The following TSPAN18 variants were observed in gnomAD, a reference collection of about 807,000 sequenced individuals.
TSPAN18 encodes the protein tetraspanin-18.
In TSPAN18, 14 loss-of-function variants were observed where a neutral mutation model predicts 27.3. The observed-to-expected ratio is 0.51, with a 90% CI of 0.34 to 0.80. The LOEUF (loss-of-function observed/expected upper bound fraction) is 0.80, where lower values mean the gene tolerates loss of function less well. TSPAN18 is among the 30% of genes least tolerant of loss of function. The pLI is 0.01. For synonymous variants in TSPAN18, 143 were observed against 136.5 expected (o/e 1.05, Z -0.33); for missense variants, 268 against 323.9 (o/e 0.83, Z 1.32).
chr11:44,791,320 G>A (rs1378582117), intron 2 of TSPAN18, among the ~76,000 whole-genome samples: 1 of 152,180 alleles, frequency 6.6e-6, no homozygotes, highest in African/African-American at 2.4e-5. Context: ...ACTTTGGGGG[G>A]TAGCCGGGGA....
chr11:44,781,003 T>G, intron 2 of TSPAN18, among the ~76,000 whole-genome samples: 1 of 152,228 alleles, frequency 6.6e-6, no homozygotes, highest in East Asian at 1.9e-4. Context: ...TTCTGTCCCT[T>G]TAAGAGAAAG....
chr11:44,741,685 T>G (rs1322479787), intron 1 of TSPAN18, among the ~76,000 whole-genome samples: 1 of 152,108 alleles, frequency 6.6e-6, no homozygotes, highest in Non-Finnish European at 1.5e-5. Context: ...AGAGGTGAAT[T>G]CTAGTTTTGG....
chr11:44,904,525 C>T (rs1050226777), intron 3 of TSPAN18, among the ~76,000 whole-genome samples: 1 of 152,240 alleles, frequency 6.6e-6, no homozygotes, highest in Non-Finnish European at 1.5e-5. Context: ...CGCAAGGCAC[C>T]ACCCCTGAGA....
chr11:44,730,148 G>A (rs561254151), intron 1 of TSPAN18, among the ~76,000 whole-genome samples: 11 of 152,260 alleles, frequency 7.2e-5, no homozygotes, highest in African/African-American at 2.2e-4. Flanking sequence ...AAAATCCTGC[G>A]TTGAGTGAAT....
chr11:44,836,597 G>A (rs1393732140), intron 2 of TSPAN18, among the ~76,000 whole-genome samples: 1 of 152,236 alleles, frequency 6.6e-6, no homozygotes, highest in Admixed American at 6.5e-5. Context: ...TTTCAATGTA[G>A]ATGAAACAGC....
Position 44,846,292 on chromosome 11 carries a change from C to T in TSPAN18, c.-152-14036C>T, listed in dbSNP as rs186781414. ...TCCGGCTTGTAGCCAAGAGATCTTC[C>T]TGCTCACACTCCATTCCCACCGCCT... On this transcript the variant is annotated intron_variant, in intron 2 of 9. Transcript: ENST00000520358. Among the ~76,000 whole-genome samples the T allele has an allele frequency of 2.6e-3, 391 of 152,372 alleles. 1 individual carries two copies. The highest frequency in any genetic ancestry group is 6.7e-3 in the Admixed American group (102 of 15,308).
chr11:44,839,696 A>T (rs1857331628), intron 2 of TSPAN18, among the ~76,000 whole-genome samples: 2 of 152,100 alleles, frequency 1.3e-5, no homozygotes, highest in South Asian at 4.1e-4. Flanking sequence ...GAGTTAAGAC[A>T]GGCACCATCA....
intron 1 of TSPAN18, among the ~76,000 whole-genome samples, chr11:44,755,624 A>T (rs1334684700): frequency 6.6e-6 from 1 of 151,244 alleles, no homozygotes; most frequent in Non-Finnish European, 1.5e-5. Context: ...CTATGTAGCT[A>T]ATTTAAAACA....
At chr11:44,903,369 T>C (rs910081011) in intron 3 of TSPAN18, 1 of 453,296 alleles carries the variant, frequency 2.2e-6, no homozygotes, top group Non-Finnish European at 4.4e-6. Flanking sequence ...TGGGGGACTC[T>C]CCTTTGATGG....
intron 3 of TSPAN18, among the ~76,000 whole-genome samples, chr11:44,872,685 G>T (rs1386944111): frequency 1.3e-5 from 2 of 152,176 alleles, no homozygotes; most frequent in Non-Finnish European, 2.9e-5. Flanking sequence ...AAGCTTCACA[G>T]CAGCCTTATG....
intron 2 of TSPAN18, among the ~76,000 whole-genome samples, chr11:44,833,377 G>T (rs1050098594): frequency 1.3e-5 from 2 of 151,852 alleles, no homozygotes; most frequent in Non-Finnish European, 2.9e-5. Context: ...AGCAAATGGT[G>T]ACTCTTAGGT....
intron 4 of TSPAN18, among the ~76,000 whole-genome samples, chr11:44,907,070 T>C (rs1488248290): frequency 2.0e-5 from 3 of 152,238 alleles, no homozygotes; most frequent in Admixed American, 6.5e-5. Flanking sequence ...GTTTACAAAG[T>C]ACCCTGGATG....
At chr11:44,861,549 A>G (rs932540616) in intron 3 of TSPAN18, among the ~76,000 whole-genome samples, 1 of 103,942 alleles carries the variant, frequency 9.6e-6, no homozygotes, top group Non-Finnish European at 2.0e-5. Flanking sequence ...GCCTGAATGC[A>G]TGAGAGGGGA....
chr11:44,764,607 C>G (rs776468143), intron 2 of TSPAN18, 95 bp downstream of exon 2: 1 of 152,310 alleles, frequency 6.6e-6, no homozygotes, highest in Non-Finnish European at 1.5e-5. Context: ...TCCAAACCAC[C>G]ACTTCCATGT....
intron 1 of TSPAN18, among the ~76,000 whole-genome samples, chr11:44,761,668 C>T (rs2134885738): frequency 6.6e-6 from 1 of 152,246 alleles, no homozygotes; most frequent in Non-Finnish European, 1.5e-5. Context: ...ACATGCAGCC[C>T]GCAGCTCCTT....
intron 2 of TSPAN18, among the ~76,000 whole-genome samples, chr11:44,847,245 T>C (rs1857503989): frequency 6.6e-6 from 1 of 151,924 alleles, no homozygotes; most frequent in Admixed American, 6.6e-5. Context: ...GGCCTGGAGG[T>C]GGACAAGCAC....
At chr11:44,913,266 T>C (rs1201143904) in intron 5 of TSPAN18, among the ~76,000 whole-genome samples, 1 of 152,208 alleles carries the variant, frequency 6.6e-6, no homozygotes, top group Non-Finnish European at 1.5e-5. Flanking sequence ...GGGCTGACTG[T>C]CCCCTTCCCT....
At chr11:44,885,829 C>T (rs558675727) in intron 3 of TSPAN18, 4 of 152,328 alleles carry the variant, frequency 2.6e-5, no homozygotes, top group African/African-American at 7.2e-5. Context: ...AGTCATTCCT[C>T]TTATGGGAAG....
chr11:44,793,001 C>T (rs536179793), intron 2 of TSPAN18, among the ~76,000 whole-genome samples: 7 of 152,170 alleles, frequency 4.6e-5, no homozygotes, highest in African/African-American at 1.7e-4. Flanking sequence ...GTGATATGCT[C>T]CCAGGGGGAA....
Sources: gnomAD v4.1 joint callset for allele counts (sites outside exome capture counted in the v4.1 genomes callset) on GRCh38, gnomAD v4.1.1 for gene constraint, MANE v1.5 for transcripts, NCBI Gene and HGNC (gene_info 2026-07-23, HGNC 2026-07-21) for gene names.